MYOCD: variants seen among roughly 807,000 people sequenced by gnomAD.
MYOCD encodes myocardin.
MYOCD carries 32 observed loss-of-function variants against 96.1 expected under a neutral mutation model. That is an observed-to-expected ratio of 0.33 (90% CI 0.25 to 0.45). The LOEUF (loss-of-function observed/expected upper bound fraction) is 0.45. Among genes scored for constraint, MYOCD ranks in the 20% least tolerant of loss-of-function variants. The pLI, the probability that MYOCD is intolerant of heterozygous loss-of-function variation, is 1.00. For missense variants in MYOCD, 1,133 were observed against 1,200.6 expected (o/e 0.94, Z 0.83); for synonymous variants, 469 against 469.0 (o/e 1.00, Z 0.00).
At chr17:12,666,333 C>T (rs8072295) in intron 1 of MYOCD, 90 bp downstream of exon 1, 1 of 982,760 alleles carries the variant, frequency 1.0e-6, no homozygotes, top group Non-Finnish European at 1.6e-6. Flanking sequence ...TGTTTCAAAG[C>T]CTGCCAGGTC....
At chr17:12,713,822 C>T (rs906036816) in intron 2 of MYOCD, among the ~76,000 whole-genome samples, 4 of 152,114 alleles carry the variant, frequency 2.6e-5, no homozygotes, top group East Asian at 3.9e-4. Context: ...AAAATGCATG[C>T]GCAACACAGG....
chr17:12,750,300 A>G (rs182498131), intron 9 of MYOCD, among the ~76,000 whole-genome samples: 349 of 152,294 alleles, frequency 2.3e-3, no homozygotes, highest in Middle Eastern at 0.014. Context: ...GGGGCCCAAG[A>G]TTCTGCATTT....
rs1435822998 is a variant in MYOCD at position 12,744,549 on chromosome 17, C to T, written c.971+113C>T. 8 of 1,374,728 alleles carry T rather than the reference C, an allele frequency of 5.8e-6. No individual in the cohort carries two copies. In the East Asian group the frequency reaches 2.0e-4, roughly 35 times the overall value. The allele number at this position is 1,374,728 out of a possible 1,614,324, so 85.2% of individuals were successfully genotyped here. On this transcript the variant is annotated intron_variant, in intron 8 of 13. Transcript: ENST00000425538. ...AGCAAGTCCTGTATTGCACCATTTCCTCATCCAGTATGTTTGGAAGGTGAC... is the reference window on the plus strand; with the variant it reads ...AGCAAGTCCTGTATTGCACCATTTCTTCATCCAGTATGTTTGGAAGGTGAC...
chr17:12,686,732 A>C (rs2030139493), intron 1 of MYOCD, among the ~76,000 whole-genome samples: 2 of 151,872 alleles, frequency 1.3e-5, no homozygotes, highest in African/African-American at 2.4e-5. Context: ...AACAGTGGCC[A>C]AGAGTCCATT....
chr17:12,744,295 A>G lies in MYOCD; in HGVS notation c.830A>G (p.Lys277Arg). The G allele has an allele frequency of 6.2e-7, 1 of 1,614,210 alleles. No homozygotes were observed. The highest frequency in any genetic ancestry group is 8.5e-7 in the Non-Finnish European group (1 of 1,180,030). The change falls in exon 8 of 14, where the codon AAG (lysine) becomes AGG (arginine). Residue 277 changes from lysine (K) to arginine (R), a missense_variant. Lys to Arg is a conservative substitution (Grantham distance 26). Transcript: ENST00000425538. ...ATTCCCCCAGACCAGAAGGCAGAGA[A>G]GTCCCCTCCACCTATGGACTCAGCC... ...QYIPPDQKAE[K>R]SPPPMDSAYA... is the part of the protein sequence containing the mutation.
intron 1 of MYOCD, among the ~76,000 whole-genome samples, chr17:12,698,802 GC>G (rs571540447): frequency 0.016 from 2,145 of 137,488 alleles, 60 homozygotes; most frequent in African/African-American, 0.055. Context: ...GAGTGCAGTG[GC>G]GTGATCTCAG....
chr17:12,759,544 T>C (rs113521366), intron 12 of MYOCD, among the ~76,000 whole-genome samples: 9 of 152,332 alleles, frequency 5.9e-5, no homozygotes, highest in African/African-American at 1.9e-4. Flanking sequence ...GAGTCTGGGC[T>C]CTCAGAGGAG....
chr17:12,694,499 C>T (rs1425594681), intron 1 of MYOCD, among the ~76,000 whole-genome samples: 1 of 152,132 alleles, frequency 6.6e-6, no homozygotes, highest in East Asian at 1.9e-4. Flanking sequence ...TGAGATCATC[C>T]AGGACTTAGC....
chr17:12,730,791 C>G (rs997864121), intron 5 of MYOCD, among the ~76,000 whole-genome samples: 1 of 152,124 alleles, frequency 6.6e-6, no homozygotes, highest in Non-Finnish European at 1.5e-5. Context: ...TGCAGTGGAC[C>G]GGGCCAGCTC....
chr17:12,747,153 A>G (rs1440582194), intron 9 of MYOCD, among the ~76,000 whole-genome samples: 2 of 152,218 alleles, frequency 1.3e-5, no homozygotes, highest in Non-Finnish European at 2.9e-5. Flanking sequence ...TAAAAACCAG[A>G]ATCATAAAGA....
At chr17:12,712,373 C>A (rs1289689262) in intron 2 of MYOCD, among the ~76,000 whole-genome samples, 1 of 152,126 alleles carries the variant, frequency 6.6e-6, no homozygotes, top group African/African-American at 2.4e-5. Context: ...CACAGCCCAA[C>A]ACCAGGTACA....
intron 1 of MYOCD, among the ~76,000 whole-genome samples, chr17:12,688,577 C>T (rs1434936995): frequency 7.0e-6 from 1 of 142,360 alleles, no homozygotes; most frequent in Non-Finnish European, 1.5e-5. Context: ...CTTCCATCTC[C>T]GTCCCTCCTT....
At chr17:12,731,107 C>T (rs144693258) in intron 5 of MYOCD, among the ~76,000 whole-genome samples, 37 of 152,288 alleles carry the variant, frequency 2.4e-4, no homozygotes, top group African/African-American at 8.2e-4. Context: ...ACAGCCCCGA[C>T]GCGTCTGCAG....
At chr17:12,712,918 AC>A (rs1195705590) in intron 2 of MYOCD, among the ~76,000 whole-genome samples, 1 of 152,062 alleles carries the variant, frequency 6.6e-6, no homozygotes, top group Non-Finnish European at 1.5e-5. Flanking sequence ...TTTTCCAAAA[AC>A]CCAACTGAGA....
Position 12,723,065 on chromosome 17 carries a change from C to A in MYOCD, c.415+57C>A, listed in dbSNP as rs541221844. On this transcript the variant is annotated intron_variant, in intron 5 of 13. Transcript: ENST00000425538. ...GTGCTATTGAGATCTGAGGGCAGCC[C>A]GGAGCTCTGACATACTAGGATCTTT... The A allele has an allele frequency of 1.2e-5, 19 of 1,532,596 alleles. No individual in the cohort carries two copies. The East Asian group carries it at 2.5e-4, about 20-fold the overall frequency. 94.9% of individuals were successfully genotyped at this position (1,532,596 alleles called of 1,614,324 possible). A position where few individuals can be genotyped will look rare whatever the true frequency, so the allele number is the denominator to read the frequency against.
chr17:12,744,374 C>CCAG lies in MYOCD; in HGVS notation c.927_929dup (p.Gln310dup), dbSNP rs536181176. On this transcript the variant is annotated inframe_insertion, in exon 8 of 14. Transcript: ENST00000425538. ...TGTTCCTGCAGCTCCAAATCCTCAG[C>CCAG]CAGCAGCAGCAGCAGCAGCAACACC... is the stretch of plus-strand genomic sequence containing the variant. The CCAG allele has an allele frequency of 3.4e-5, 54 of 1,611,274 alleles. No homozygotes were observed. The highest frequency in any genetic ancestry group is 1.5e-4 in the African/African-American group (11 of 74,978).
intron 3 of MYOCD, among the ~76,000 whole-genome samples, chr17:12,716,985 CAAAAAAAAAAAAA>C (rs56992216): frequency 2.2e-4 from 25 of 112,942 alleles, no homozygotes; most frequent in Admixed American, 9.6e-4. Flanking sequence ...GATGCTGTCT[CAAAAAAAAAAAAA>C]AAAAAAAAAA....
At chr17:12,727,477 T>C (rs1327283557) in intron 5 of MYOCD, among the ~76,000 whole-genome samples, 2 of 152,232 alleles carry the variant, frequency 1.3e-5, no homozygotes, top group African/African-American at 4.8e-5. Flanking sequence ...ATGTCACTTC[T>C]TGTGATCATA....
At position 12,764,419 on chromosome 17, in the gene MYOCD, A is replaced by G. The variant is rs1219183470; in HGVS notation, c.*775A>G. The G allele has an allele frequency of 6.6e-6, 1 of 152,350 alleles. No homozygotes were observed. The highest frequency in any genetic ancestry group is 1.5e-5 in the Non-Finnish European group (1 of 68,140). 9.4% of individuals were successfully genotyped at this position (152,350 alleles called of 1,614,324 possible). On this transcript the variant is annotated 3_prime_UTR_variant, in exon 14 of 14. Transcript: ENST00000425538. ...GTGTCCTAGATGAGAACCCTGAAGA[A>G]TGCAGACCTTCTTCCCCCGAAGGAG...
Sources: allele counts gnomAD v4.1 joint callset (sites outside exome capture counted in the v4.1 genomes callset), GRCh38; gene constraint gnomAD v4.1.1; transcripts MANE v1.5; gene names NCBI Gene and HGNC (gene_info 2026-07-23, HGNC 2026-07-21).